The following CEP112 variants were observed in gnomAD, a reference collection of about 807,000 sequenced individuals.
CEP112 encodes centrosomal protein of 112 kDa.
Under a neutral mutation model 153.0 loss-of-function variants are expected in CEP112, and 127 were observed. The observed-to-expected ratio is 0.83, with a 90% CI of 0.72 to 0.96. CEP112 has a LOEUF of 0.96. CEP112 is among the 40% of genes least tolerant of loss of function. The pLI is 0.00. For synonymous variants in CEP112, 358 were observed against 374.4 expected (o/e 0.96, Z 0.51); for missense variants, 1,089 against 1,101.2 (o/e 0.99, Z 0.16).
intron 24 of CEP112, among the ~76,000 whole-genome samples, chr17:65,645,662 T>C (rs1439412696): frequency 6.6e-6 from 1 of 152,228 alleles, no homozygotes; most frequent in Non-Finnish European, 1.5e-5. Context: ...TTAAATGTGT[T>C]TTGTGAATGC....
chr17:65,915,131 C>T (rs1157212410), intron 19 of CEP112, among the ~76,000 whole-genome samples: 2 of 152,210 alleles, frequency 1.3e-5, no homozygotes, highest in Non-Finnish European at 2.9e-5. Flanking sequence ...TCCTCCACCT[C>T]TTCCTCATAT....
At chr17:65,874,991 A>G (rs1243989966) in intron 20 of CEP112, among the ~76,000 whole-genome samples, 1 of 152,080 alleles carries the variant, frequency 6.6e-6, no homozygotes, top group East Asian at 1.9e-4. Context: ...CTTAACCCTA[A>G]AATGTATATA....
At chr17:65,986,010 A>C (rs1353551721) in intron 17 of CEP112, among the ~76,000 whole-genome samples, 1 of 152,150 alleles carries the variant, frequency 6.6e-6, no homozygotes, top group Admixed American at 6.6e-5. Context: ...TCCATTATGC[A>C]ACTGTAAAGA....
chr17:65,973,052 C>T (rs2062905720), intron 17 of CEP112, among the ~76,000 whole-genome samples: 1 of 152,230 alleles, frequency 6.6e-6, no homozygotes, highest in South Asian at 2.1e-4. Context: ...AGGCGTAAGC[C>T]ACTGCTCCCA....
intron 16 of CEP112, among the ~76,000 whole-genome samples, chr17:66,024,810 G>C (rs2065134290): frequency 6.6e-6 from 1 of 151,898 alleles, no homozygotes; most frequent in Non-Finnish European, 1.5e-5. Flanking sequence ...AAATTCATAT[G>C]GCATTAAAAA....
rs550410126 is a variant in CEP112, at chr17:66,175,791, T to C, written c.298-575A>G. On this transcript the variant is annotated intron_variant, in intron 3 of 26. Transcript: ENST00000535342. ...AATAAAGCCCTTCCCTTTGATTCTATGAAATTAAGTGTGAATGGGAAAACA... is the reference window on the plus strand; with the variant it reads ...AATAAAGCCCTTCCCTTTGATTCTACGAAATTAAGTGTGAATGGGAAAACA... 3.9e-5 allele frequency among the ~76,000 whole-genome samples: 6 copies of C among 152,344 alleles called. No individual in the cohort carries two copies. The East Asian group carries it at 1.2e-3, about 29-fold the overall frequency.
intron 21 of CEP112, among the ~76,000 whole-genome samples, chr17:65,773,984 G>A (rs2053530693): frequency 6.6e-6 from 1 of 151,882 alleles, no homozygotes; most frequent in South Asian, 2.1e-4. Flanking sequence ...CTACTTGGGA[G>A]CCTGAGGCAG....
At position 66,068,772 on chromosome 17, in the gene CEP112, C is replaced by A. The variant is rs559621934; in HGVS notation, c.855+1143G>T. Among the ~76,000 whole-genome samples the A allele has an allele frequency of 3.5e-3, 527 of 152,080 alleles. 2 individuals are homozygous for A. Among genetic ancestry groups the A allele is most frequent in the Middle Eastern group, 0.01 (3 of 294 alleles). On this transcript the variant is annotated intron_variant, in intron 9 of 26. Coordinates refer to ENST00000535342, the MANE Select transcript of CEP112 (RefSeq NM_001199165.4). ...CATACCAAGAAACCTATTTCAAATT[C>A]CATCACCGTAATTTTTCCAAATAAA... is the stretch of plus-strand genomic sequence containing the variant.
In CEP112 at chr17:65,919,321, C is replaced by A. The variant is rs531644041; in HGVS notation, c.1980+8261G>T. On this transcript the variant is annotated intron_variant, in intron 19 of 26. Coordinates refer to ENST00000535342, the MANE Select transcript of CEP112 (RefSeq NM_001199165.4). ...GGAAGCATGTACGCAGCCTCAGGAA[C>A]CCCTGGCACTTGCTCACACTCCCCC... 1.3e-4 allele frequency among the ~76,000 whole-genome samples: 20 copies of A among 152,276 alleles called. 1 individual carries two copies. In the South Asian group the frequency reaches 4.2e-3, roughly 32 times the overall value.
intron 21 of CEP112, among the ~76,000 whole-genome samples, chr17:65,758,665 A>C (rs139755696): frequency 2.6e-4 from 39 of 152,332 alleles, no homozygotes; most frequent in Admixed American, 7.8e-4. Context: ...TTAAAATATA[A>C]TAGCTATGTC....
chr17:65,990,913 C>T (rs949356225), intron 17 of CEP112, among the ~76,000 whole-genome samples: 1 of 152,164 alleles, frequency 6.6e-6, no homozygotes, highest in Non-Finnish European at 1.5e-5. Context: ...TGGGGAACTT[C>T]ACATTGAACT....
chr17:66,118,908 G>C (rs2069435545), intron 6 of CEP112, among the ~76,000 whole-genome samples: 1 of 151,842 alleles, frequency 6.6e-6, no homozygotes, highest in Admixed American at 6.6e-5. Flanking sequence ...AAAATCCCTA[G>C]TGCTTATTCA....
chr17:65,687,317 C>T (rs896833400), intron 24 of CEP112, among the ~76,000 whole-genome samples: 2 of 151,666 alleles, frequency 1.3e-5, no homozygotes, highest in Admixed American at 6.6e-5. Flanking sequence ...TAGGCACCTG[C>T]CACCACGCCC....
intron 6 of CEP112, among the ~76,000 whole-genome samples, chr17:66,124,720 AAC>A (rs1190961188): frequency 6.6e-6 from 1 of 152,134 alleles, no homozygotes; most frequent in Non-Finnish European, 1.5e-5. Flanking sequence ...GAAGAAAAAA[AAC>A]ACAAACAGAA....
At chr17:65,970,889 A>G (rs1266077606) in intron 17 of CEP112, among the ~76,000 whole-genome samples, 1 of 152,254 alleles carries the variant, frequency 6.6e-6, no homozygotes, top group East Asian at 1.9e-4. Context: ...CATGCATATC[A>G]CATCTGTGTG....
At chr17:65,826,531 G>A (rs1598708811) in intron 21 of CEP112, 1 of 1,360,854 alleles carries the variant, frequency 7.3e-7, no homozygotes, top group Non-Finnish European at 9.4e-7. Context: ...CTCAGTTCCT[G>A]ATGTCAGCTA....
chr17:65,664,520 A>G (rs1350395796), intron 24 of CEP112, among the ~76,000 whole-genome samples: 2 of 152,254 alleles, frequency 1.3e-5, no homozygotes, highest in African/African-American at 4.8e-5. Flanking sequence ...GGAAGAGACC[A>G]TTTTGTCCAA....
At chr17:65,931,596 A>G (rs2061125578) in intron 18 of CEP112, among the ~76,000 whole-genome samples, 1 of 152,344 alleles carries the variant, frequency 6.6e-6, no homozygotes, top group African/African-American at 2.4e-5. Flanking sequence ...GCTCACAGCA[A>G]CCTCTGCATT....
chr17:65,888,543 T>C (rs2059362048), intron 20 of CEP112, among the ~76,000 whole-genome samples: 2 of 152,190 alleles, frequency 1.3e-5, no homozygotes, highest in Admixed American at 6.5e-5. Context: ...GTTTTAATAC[T>C]GTTCAGGAAT....
Sources: allele counts gnomAD v4.1 joint callset (sites outside exome capture counted in the v4.1 genomes callset), GRCh38; gene constraint gnomAD v4.1.1; transcripts MANE v1.5; gene names NCBI Gene and HGNC (gene_info 2026-07-23, HGNC 2026-07-21).